CATSPERE: variants seen among roughly 807,000 people sequenced by gnomAD.
CATSPERE encodes the protein cation channel sperm-associated auxiliary subunit epsilon.
Under a neutral mutation model 114.1 loss-of-function variants are expected in CATSPERE, and 93 were observed. The observed-to-expected ratio is 0.81, with a 90% confidence interval of 0.69 to 0.97. The LOEUF is 0.97. Among genes scored for constraint, CATSPERE ranks in the 50% least tolerant of loss-of-function variants. The pLI is 0.00. For missense variants in CATSPERE, 1,058 were observed against 1,131.6 expected, an observed-to-expected ratio of 0.93 and a Z score of 0.93; for synonymous variants, 341 against 384.1, an observed-to-expected ratio of 0.89 and a Z score of 1.31.
intron 9 of CATSPERE, among the ~76,000 whole-genome samples, chr1:244,553,871 T>C (rs955825134): frequency 1.3e-5 from 2 of 152,152 alleles, no homozygotes; most frequent in Non-Finnish European, 1.5e-5. Context: ...CATTCCATTC[T>C]GTTTTCTTGA....
At chr1:244,483,325 G>A (rs1466767088) in intron 5 of CATSPERE, among the ~76,000 whole-genome samples, 1 of 152,146 alleles carries the variant, frequency 6.6e-6, no homozygotes, top group African/African-American at 2.4e-5. Flanking sequence ...ATAAATGAAG[G>A]TTTCTCTAAG....
At chr1:244,452,040 C>A (rs1665645275), upstream of CATSPERE, 8 of 391,862 alleles carry the variant, frequency 2.0e-5, no homozygotes, top group Non-Finnish European at 3.5e-5. Context: ...CCGGCCTCGG[C>A]AGCACCGCCC....
chr1:244,519,571 G>C (rs1677188020), intron 8 of CATSPERE, among the ~76,000 whole-genome samples: 1 of 152,134 alleles, frequency 6.6e-6, no homozygotes, highest in South Asian at 2.1e-4. Context: ...TCATTGGTGT[G>C]TCTGCGTGGT....
chr1:244,601,064 CTA>C (rs1669137383), intron 17 of CATSPERE, among the ~76,000 whole-genome samples: 1 of 151,916 alleles, frequency 6.6e-6, no homozygotes, highest in African/African-American at 2.4e-5. Flanking sequence ...AATAATACGA[CTA>C]TGAAAAGAAA....
chr1:244,632,334 C>T (rs2148749660), intron 20 of CATSPERE, among the ~76,000 whole-genome samples: 1 of 130,342 alleles, frequency 7.7e-6, no homozygotes. Flanking sequence ...GCGGAGGTTG[C>T]AGTGAGGCAA....
intron 5 of CATSPERE, among the ~76,000 whole-genome samples, chr1:244,489,254 A>G (rs1235073278): frequency 1.3e-5 from 2 of 152,122 alleles, no homozygotes; most frequent in Non-Finnish European, 2.9e-5. Flanking sequence ...GTGAGCCACC[A>G]GGCCCGGCCT....
chr1:244,457,975 T>C (rs944031318), upstream of CATSPERE, among the ~76,000 whole-genome samples: 2 of 152,164 alleles, frequency 1.3e-5, no homozygotes, highest in Non-Finnish European at 1.5e-5. Flanking sequence ...AATTATTATG[T>C]TAAATGACTG....
chr1:244,551,880 C>T lies in CATSPERE; in HGVS notation c.537-442C>T, dbSNP rs567448699. Among the ~76,000 whole-genome samples, 18 of 151,644 alleles carry T rather than the reference C, an allele frequency of 1.2e-4. No homozygotes were observed. The East Asian group carries it at 3.5e-3, about 29-fold the overall frequency. ...GAGATTGAGACCATCCTGGCTAACA[C>T]GGTGAAACCCCATCTCTACTAAAAA... On this transcript the variant is annotated intron_variant, in intron 8 of 21. Transcript: ENST00000366534.
At chr1:244,497,774 G>A (rs1572412019) in intron 6 of CATSPERE, among the ~76,000 whole-genome samples, 1 of 152,126 alleles carries the variant, frequency 6.6e-6, no homozygotes, top group East Asian at 1.9e-4. Flanking sequence ...TCCAGCCTGG[G>A]CGACAGAGCA....
intron 8 of CATSPERE, among the ~76,000 whole-genome samples, chr1:244,543,562 T>C (rs1201032929): frequency 6.6e-6 from 1 of 151,374 alleles, no homozygotes; most frequent in Admixed American, 6.6e-5. Context: ...GTTGTCAGAT[T>C]ATTGTGTATC....
intron 8 of CATSPERE, among the ~76,000 whole-genome samples, chr1:244,525,386 G>T (rs2148394380): frequency 6.6e-6 from 1 of 151,900 alleles, no homozygotes; most frequent in Middle Eastern, 3.4e-3. Flanking sequence ...TATACCTAAT[G>T]CTAGATGATG....
chr1:244,461,724 C>T (rs550108657), intron 1 of CATSPERE, among the ~76,000 whole-genome samples: 2 of 152,152 alleles, frequency 1.3e-5, no homozygotes. Flanking sequence ...TGCTCCAGCT[C>T]CTGCAGTAAG....
In CATSPERE at chr1:244,617,510, G is replaced by T; in HGVS notation, c.2491-19G>T. On this transcript the variant is annotated intron_variant, in intron 19 of 21. Coordinates refer to ENST00000366534, the MANE Select transcript of CATSPERE (RefSeq NM_001130957.2). The stretch of plus-strand genomic sequence containing the variant: ...GTCATAAAATGACCTTAAAATTTTT[G>T]TCTTTGTTTCTTGTTCAGAACTATA... 2 of 1,470,504 alleles carry T rather than the reference G, an allele frequency of 1.4e-6. No individual in the cohort carries two copies. The highest frequency in any genetic ancestry group is 2.8e-5 in the South Asian group (2 of 71,650). 91.1% of individuals were successfully genotyped at this position (1,470,504 alleles called of 1,614,324 possible).
At chr1:244,529,732 TTGTCCA>T (rs988575548) in intron 8 of CATSPERE, among the ~76,000 whole-genome samples, 16 of 152,144 alleles carry the variant, frequency 1.1e-4, no homozygotes, top group African/African-American at 3.6e-4. Flanking sequence ...GTGATTCTAC[TTGTCCA>T]TTTTTGCTTT....
chr1:244,596,243 C>G (rs1668403798), intron 17 of CATSPERE, among the ~76,000 whole-genome samples: 1 of 152,164 alleles, frequency 6.6e-6, no homozygotes, highest in Non-Finnish European at 1.5e-5. Context: ...TCCAGAAAGT[C>G]CCTTCCCCCC....
chr1:244,554,814 G>A (rs1661329790), intron 9 of CATSPERE, among the ~76,000 whole-genome samples: 1 of 151,904 alleles, frequency 6.6e-6, no homozygotes, highest in African/African-American at 2.4e-5. Flanking sequence ...CAAAACCAGA[G>A]AAGAACACAA....
At chr1:244,495,906 G>A (rs563650880) in intron 6 of CATSPERE, among the ~76,000 whole-genome samples, 10 of 152,216 alleles carry the variant, frequency 6.6e-5, no homozygotes, top group African/African-American at 1.9e-4. Flanking sequence ...CAAGAGATTC[G>A]GAACCTACAG....
Position 244,520,521 on chromosome 1 carries a change from A to G in CATSPERE, c.536+1823A>G, listed in dbSNP as rs568057786. ...ATATTCATCCTTATGCCAATACCAC[A>G]CTTCTCCCATGGGTCTCTGCAACCC... On this transcript the variant is annotated intron_variant, in intron 8 of 21. Transcript: ENST00000366534. Among the ~76,000 whole-genome samples the G allele has an allele frequency of 2.6e-5, 4 of 152,222 alleles. No homozygotes were observed. The East Asian group carries it at 7.7e-4, about 29-fold the overall frequency.
chr1:244,570,725 A>T (rs975594379), intron 10 of CATSPERE, among the ~76,000 whole-genome samples: 3 of 152,216 alleles, frequency 2.0e-5, no homozygotes, highest in African/African-American at 7.2e-5. Flanking sequence ...GGGAACATCA[A>T]TCCAGATGTA....
Sources: allele counts gnomAD v4.1 joint callset (sites outside exome capture counted in the v4.1 genomes callset), GRCh38; gene constraint gnomAD v4.1.1; transcripts MANE v1.5; gene names NCBI Gene and HGNC (gene_info 2026-07-23, HGNC 2026-07-21).